DOCK3: variants seen among roughly 807,000 people sequenced by gnomAD.
DOCK3 encodes dedicator of cytokinesis 3, also known as dedicator of cytokinesis protein 3.
Under a neutral mutation model 265.6 loss-of-function variants are expected in DOCK3, and 60 were observed. The observed-to-expected ratio is 0.23, with a 90% CI of 0.18 to 0.28. The LOEUF (loss-of-function observed/expected upper bound fraction) is 0.28, where lower values mean the gene tolerates loss of function less well. Ranked by LOEUF, DOCK3 falls within the 10% of genes least tolerant of loss-of-function variation. The pLI, the probability that DOCK3 is intolerant of heterozygous loss-of-function variation, is 1.00. For missense variants in DOCK3, 1,981 were observed against 2,594.3 expected, an observed-to-expected ratio of 0.76 and a Z score of 5.14; for synonymous variants, 881 against 938.0, an observed-to-expected ratio of 0.94 and a Z score of 1.11.
intron 1 of DOCK3, among the ~76,000 whole-genome samples, chr3:50,686,769 C>T (rs983372276): frequency 7.9e-5 from 12 of 151,358 alleles, no homozygotes; most frequent in Non-Finnish European, 1.2e-4. Context: ...ATTAGCTGGG[C>T]GTGGTGGCAC....
rs1158712493 is a variant in DOCK3, at chr3:51,072,265, GCTAA to G, written c.465-3086_465-3083del. Among the ~76,000 whole-genome samples, 5 of 152,308 alleles carry G rather than the reference GCTAA, an allele frequency of 3.3e-5. No homozygotes were observed. The East Asian group carries it at 7.7e-4, about 24-fold the overall frequency. On this transcript the variant is annotated intron_variant, in intron 6 of 52. Coordinates refer to ENST00000266037, the MANE Select transcript of DOCK3 (RefSeq NM_004947.5). ...ACAAGCAAGCTGAGCTTGCCATGATGCTAACTAAGATAGAGTTCTTATAATGCCA... is the reference window on the plus strand; with the variant it reads ...ACAAGCAAGCTGAGCTTGCCATGATGCTAAGATAGAGTTCTTATAATGCCA...
intron 2 of DOCK3, among the ~76,000 whole-genome samples, 153 bp from the exon 3 acceptor site, chr3:50,841,522 A>G (rs575848342): frequency 6.6e-6 from 1 of 151,942 alleles, no homozygotes; most frequent in African/African-American, 2.4e-5. Flanking sequence ...TTCCTTTTGG[A>G]GTAAGCTGCT....
chr3:50,675,350 C>T lies in DOCK3; in HGVS notation c.37+50C>T. ...TGGCGGGGGTTCTGGGGGACGCGCCCAGCTCCCGGCCCCGCCTGGATTCGC... is the reference window on the plus strand; with the variant it reads ...TGGCGGGGGTTCTGGGGGACGCGCCTAGCTCCCGGCCCCGCCTGGATTCGC... On this transcript the variant is annotated intron_variant, in intron 1 of 52. Coordinates refer to ENST00000266037, the MANE Select transcript of DOCK3 (RefSeq NM_004947.5). The surrounding 1 kb of genome is among the most constrained non-coding windows in gnomAD (Gnocchi z 6.1). 1 of 1,195,870 alleles carries T rather than the reference C, an allele frequency of 8.4e-7. No individual in the cohort carries two copies. Among genetic ancestry groups the T allele is most frequent in the Non-Finnish European group, 1.0e-6 (1 of 955,406 alleles). 74.1% of individuals were successfully genotyped at this position (1,195,870 alleles called of 1,614,324 possible).
At chr3:51,041,004 A>G (rs1384591592) in intron 5 of DOCK3, among the ~76,000 whole-genome samples, 1 of 151,470 alleles carries the variant, frequency 6.6e-6, no homozygotes, top group African/African-American at 2.4e-5. Context: ...ATCAACATCT[A>G]AATTTCTGTT....
At chr3:51,380,297 G>T in intron 52 of DOCK3, 90 bp downstream of exon 52, 1 of 1,243,498 alleles carries the variant, frequency 8.0e-7, no homozygotes. Context: ...AGGAGGAACT[G>T]GAGCCCTCCC....
chr3:51,063,079 T>A (rs1207910742), intron 5 of DOCK3, among the ~76,000 whole-genome samples: 1 of 152,082 alleles, frequency 6.6e-6, no homozygotes, highest in Non-Finnish European at 1.5e-5. Context: ...CTCTTTAAGA[T>A]GAATCTTTAA....
At chr3:51,158,328 T>C (rs1192614345) in intron 10 of DOCK3, among the ~76,000 whole-genome samples, 4 of 152,174 alleles carry the variant, frequency 2.6e-5, no homozygotes. Flanking sequence ...GGAAGATTGC[T>C]TGAGCCTAGA....
At chr3:50,907,002 T>C (rs1439738008) in intron 4 of DOCK3, among the ~76,000 whole-genome samples, 3 of 152,124 alleles carry the variant, frequency 2.0e-5, no homozygotes, top group South Asian at 4.1e-4. Flanking sequence ...TCTGCCTTCA[T>C]TTTGTTATGT....
Position 51,225,790 on chromosome 3 carries a change from A to C in DOCK3, c.1377+17A>C. ...ATCTTGAAGGTAAGGCTTGCCAGTC[A>C]GTCATTTGGGTTGGAGGATAATCCT... On this transcript the variant is annotated intron_variant, in intron 15 of 52. Transcript: ENST00000266037. 1 of 1,606,832 alleles carries C rather than the reference A, an allele frequency of 6.2e-7. No homozygotes were observed. Among genetic ancestry groups the C allele is most frequent in the Non-Finnish European group, 8.5e-7 (1 of 1,176,268 alleles).
chr3:51,165,965 C>T (rs1361410898), intron 12 of DOCK3, among the ~76,000 whole-genome samples: 9 of 148,952 alleles, frequency 6.0e-5, no homozygotes, highest in African/African-American at 1.2e-4. Context: ...CTCATTCATC[C>T]GTCACTTCCC....
At chr3:51,353,640 A>C (rs770708573) in intron 40 of DOCK3, among the ~76,000 whole-genome samples, 3 of 152,164 alleles carry the variant, frequency 2.0e-5, no homozygotes, top group Admixed American at 6.5e-5. Context: ...ATACAGACAC[A>C]TGGCCCAGCC....
intron 1 of DOCK3, among the ~76,000 whole-genome samples, chr3:50,746,450 T>C (rs1415191824): frequency 2.0e-5 from 3 of 152,086 alleles, no homozygotes; most frequent in Non-Finnish European, 4.4e-5. Flanking sequence ...GGATTATGCT[T>C]TTGGTATCTT....
chr3:51,064,307 C>A, intron 5 of DOCK3, 141 bp from the exon 6 acceptor site: 1 of 1,094,184 alleles, frequency 9.1e-7, no homozygotes, highest in Non-Finnish European at 1.3e-6. Flanking sequence ...GACTTTCAGA[C>A]TTTAAAATTA....
At chr3:50,868,390 G>A (rs1195302415) in intron 3 of DOCK3, among the ~76,000 whole-genome samples, 1 of 151,606 alleles carries the variant, frequency 6.6e-6, no homozygotes, top group Non-Finnish European at 1.5e-5. Context: ...TTTTTTCTTT[G>A]GAGACAGGAT....
intron 5 of DOCK3, among the ~76,000 whole-genome samples, chr3:51,053,992 C>T (rs1384422711): frequency 6.6e-6 from 1 of 151,842 alleles, no homozygotes; most frequent in Non-Finnish European, 1.5e-5. Context: ...CTGCCACCTT[C>T]TTTGTTAATC....
intron 5 of DOCK3, among the ~76,000 whole-genome samples, chr3:51,021,593 A>G (rs2079594016): frequency 6.6e-6 from 1 of 151,784 alleles, no homozygotes; most frequent in Admixed American, 6.6e-5. Flanking sequence ...ACTTTCCTTA[A>G]TAAGATTCCT....
intron 2 of DOCK3, among the ~76,000 whole-genome samples, chr3:50,793,957 A>G (rs145568180): frequency 8.9e-4 from 136 of 152,232 alleles, no homozygotes; most frequent in African/African-American, 3.2e-3. Context: ...GTTTCAAAGA[A>G]CTTGTTGATT....
intron 35 of DOCK3, among the ~76,000 whole-genome samples, chr3:51,336,677 A>G (rs1431963945): frequency 6.6e-6 from 1 of 152,220 alleles, no homozygotes; most frequent in Non-Finnish European, 1.5e-5. Context: ...GAGGTACACA[A>G]AAAAAGAGTC....
intron 6 of DOCK3, among the ~76,000 whole-genome samples, chr3:51,068,105 C>T (rs1240631765): frequency 2.6e-5 from 4 of 152,178 alleles, no homozygotes; most frequent in African/African-American, 9.7e-5. Context: ...TTTCTCTAAG[C>T]TCTTACACAG....
Sources: allele counts gnomAD v4.1 joint callset (sites outside exome capture counted in the v4.1 genomes callset), GRCh38; gene constraint gnomAD v4.1.1; non-coding constraint Gnocchi (gnomAD v3.1); transcripts MANE v1.5; gene names NCBI Gene and HGNC (gene_info 2026-07-23, HGNC 2026-07-21).